The following CLSTN2 variants were observed in gnomAD, a reference collection of about 807,000 sequenced individuals.
CLSTN2 encodes the protein calsyntenin-2.
A neutral mutation model predicts 101.2 loss-of-function variants in CLSTN2; 48 were observed. That is an observed-to-expected ratio of 0.47 (90% confidence interval 0.38 to 0.60). The LOEUF (loss-of-function observed/expected upper bound fraction) is 0.60. CLSTN2 is among the 20% of genes least tolerant of loss of function. CLSTN2 has a pLI of 0.00. For missense variants in CLSTN2, 1,160 were observed against 1,238.2 expected, an observed-to-expected ratio of 0.94 and a Z score of 0.95; for synonymous variants, 481 against 463.6, an observed-to-expected ratio of 1.04 and a Z score of -0.48.
At position 140,577,095 on chromosome 3, in the gene CLSTN2, T is replaced by A. The variant is rs1327568930; in HGVS notation, c.*10842T>A. On this transcript the variant is annotated 3_prime_UTR_variant, in exon 17 of 17. Transcript: ENST00000458420. ...ATATCCAATTCAGACTGACACAGAGTGAGGGGCGCTGAGAGTCTCTATGTA... is the reference window on the plus strand; with the variant it reads ...ATATCCAATTCAGACTGACACAGAGAGAGGGGCGCTGAGAGTCTCTATGTA... 2.0e-5 allele frequency: 3 copies of A among 151,878 alleles called. No homozygotes were observed. Among genetic ancestry groups the A allele is most frequent in the Non-Finnish European group, 2.9e-5 (2 of 67,960 alleles). 9.4% of individuals were successfully genotyped at this position (151,878 alleles called of 1,614,324 possible).
chr3:140,009,950 G>A (rs2007038021), intron 1 of CLSTN2, among the ~76,000 whole-genome samples: 1 of 152,128 alleles, frequency 6.6e-6, no homozygotes, highest in South Asian at 2.1e-4. Context: ...ACATTTGATT[G>A]TCCTTCAGTT....
intron 1 of CLSTN2, among the ~76,000 whole-genome samples, chr3:140,045,107 A>G (rs2007845295): frequency 6.6e-6 from 1 of 152,168 alleles, no homozygotes; most frequent in East Asian, 1.9e-4. Context: ...AAGGAATGGT[A>G]CCAGCTCCTC....
At chr3:140,131,740 C>G (rs1484215176) in intron 1 of CLSTN2, among the ~76,000 whole-genome samples, 1 of 152,026 alleles carries the variant, frequency 6.6e-6, no homozygotes, top group Non-Finnish European at 1.5e-5. Context: ...GAGCTTCCCA[C>G]GACTTTTCAG....
At chr3:140,548,065 G>T (rs1019467260) in intron 10 of CLSTN2, among the ~76,000 whole-genome samples, 2 of 152,238 alleles carry the variant, frequency 1.3e-5, no homozygotes, top group Admixed American at 1.3e-4. Context: ...CACTCCAGTA[G>T]AAATTTCCAG....
chr3:140,400,304 G>T (rs554862662), intron 2 of CLSTN2, among the ~76,000 whole-genome samples: 1 of 152,274 alleles, frequency 6.6e-6, no homozygotes, highest in Admixed American at 6.5e-5. Context: ...GGGGCAGCAA[G>T]ACGTGGTGGA....
chr3:140,313,701 T>C (rs1169813603), intron 2 of CLSTN2, among the ~76,000 whole-genome samples: 1 of 152,198 alleles, frequency 6.6e-6, no homozygotes, highest in Non-Finnish European at 1.5e-5. Flanking sequence ...GAGAGGCTAT[T>C]TCTATACTCA....
At chr3:140,003,430 A>C (rs1220439551) in intron 1 of CLSTN2, among the ~76,000 whole-genome samples, 1 of 152,166 alleles carries the variant, frequency 6.6e-6, no homozygotes, top group Non-Finnish European at 1.5e-5. Flanking sequence ...TTTGTTTATC[A>C]GTTTTAATAG....
At chr3:140,031,969 T>A (rs2007560572) in intron 1 of CLSTN2, among the ~76,000 whole-genome samples, 1 of 152,146 alleles carries the variant, frequency 6.6e-6, no homozygotes, top group African/African-American at 2.4e-5. Context: ...ACTCCAGGGT[T>A]TCCAAACTGC....
chr3:140,173,191 G>A (rs371262750), intron 1 of CLSTN2, among the ~76,000 whole-genome samples: 39 of 152,266 alleles, frequency 2.6e-4, no homozygotes, highest in South Asian at 1.0e-3. Flanking sequence ...AAATACAACC[G>A]TTCCAAATGG....
chr3:140,556,406 A>G (rs1935791525), intron 10 of CLSTN2, 107 bp from the exon 11 acceptor site: 2 of 954,864 alleles, frequency 2.1e-6, no homozygotes, highest in Non-Finnish European at 3.3e-6. Context: ...GATGCTCTAG[A>G]GGTGTTTATG....
rs114881021 is a variant in CLSTN2 at position 140,376,454 on chromosome 3, G to T, written c.233-27175G>T. The stretch of plus-strand genomic sequence containing the variant: ...TCTTGTGGCAGCATCACAGCCTCCT[G>T]CCAAAGATTCCCCTCCTTTCTGCAT... On this transcript the variant is annotated intron_variant, in intron 2 of 16. Transcript: ENST00000458420. 8.0e-3 allele frequency among the ~76,000 whole-genome samples: 1,217 copies of T among 152,286 alleles called. 14 individuals carry two copies. The highest frequency in any genetic ancestry group is 0.026 in the African/African-American group (1,091 of 41,558).
At chr3:140,323,921 C>T (rs915646618) in intron 2 of CLSTN2, among the ~76,000 whole-genome samples, 4 of 152,184 alleles carry the variant, frequency 2.6e-5, no homozygotes, top group Non-Finnish European at 5.9e-5. Context: ...GCAACAGTTG[C>T]GAATGTCATA....
intron 2 of CLSTN2, among the ~76,000 whole-genome samples, chr3:140,217,211 G>A (rs1223085537): frequency 1.3e-5 from 2 of 151,792 alleles, no homozygotes; most frequent in African/African-American, 2.4e-5. Context: ...ACATCTACCA[G>A]TGTAGTTTCA....
At chr3:140,013,791 A>G (rs2007138318) in intron 1 of CLSTN2, among the ~76,000 whole-genome samples, 1 of 152,178 alleles carries the variant, frequency 6.6e-6, no homozygotes, top group South Asian at 2.1e-4. Flanking sequence ...TGACTCCTCC[A>G]GATGTCACTA....
intron 1 of CLSTN2, among the ~76,000 whole-genome samples, chr3:139,955,534 G>T (rs1428027562): frequency 6.6e-6 from 1 of 152,210 alleles, no homozygotes; most frequent in African/African-American, 2.4e-5. Context: ...CCTGCTCTAC[G>T]ATTTCTGTTG....
intron 2 of CLSTN2, among the ~76,000 whole-genome samples, chr3:140,188,673 G>A (rs1345196467): frequency 6.6e-6 from 1 of 152,138 alleles, no homozygotes; most frequent in East Asian, 1.9e-4. Flanking sequence ...CCCAGCATTG[G>A]GTGATTATTT....
chr3:140,442,486 C>A (rs1932949431), intron 5 of CLSTN2, among the ~76,000 whole-genome samples: 1 of 152,174 alleles, frequency 6.6e-6, no homozygotes. Flanking sequence ...CTGCCCCCTC[C>A]CCTGCCTGTG....
At chr3:140,466,783 C>T (rs1933716156) in intron 8 of CLSTN2, 52 bp downstream of exon 8, 3 of 1,609,530 alleles carry the variant, frequency 1.9e-6, no homozygotes, top group Non-Finnish European at 2.5e-6. Flanking sequence ...CGGGGGTGGC[C>T]AGTCCAATCC....
At chr3:140,373,448 A>G (rs1331288291) in intron 2 of CLSTN2, among the ~76,000 whole-genome samples, 1 of 152,174 alleles carries the variant, frequency 6.6e-6, no homozygotes, top group African/African-American at 2.4e-5. Context: ...GCCTTGCTGC[A>G]CTCTCACAAA....
Sources: allele counts gnomAD v4.1 joint callset (sites outside exome capture counted in the v4.1 genomes callset), GRCh38; gene constraint gnomAD v4.1.1; transcripts MANE v1.5; gene names NCBI Gene and HGNC (gene_info 2026-07-23, HGNC 2026-07-21).